CA10: variants seen among roughly 807,000 people sequenced by gnomAD.
The protein encoded by CA10 is carbonic anhydrase-related protein 10.
Under a neutral mutation model 44.2 loss-of-function variants are expected in CA10, and 14 were observed. The ratio of observed to expected loss-of-function variants is 0.32; its 90% CI spans 0.21 to 0.50. The LOEUF is 0.50. Among genes scored for constraint, CA10 ranks in the 20% least tolerant of loss-of-function variants. The pLI is 0.99. For synonymous variants in CA10, 159 were observed against 141.6 expected, an observed-to-expected ratio of 1.12 and a Z score of -0.87; for missense variants, 350 against 409.7, an observed-to-expected ratio of 0.85 and a Z score of 1.26.
intron 2 of CA10, among the ~76,000 whole-genome samples, chr17:52,070,978 T>G (rs951451194): frequency 1.3e-4 from 20 of 152,206 alleles, no homozygotes; most frequent in African/African-American, 4.8e-4. Context: ...AAGAATATAA[T>G]TATAAATGTA....
chr17:51,788,797 C>T (rs969319099), intron 3 of CA10, among the ~76,000 whole-genome samples: 2 of 152,176 alleles, frequency 1.3e-5, no homozygotes, highest in East Asian at 1.9e-4. Flanking sequence ...ACAGAATTAT[C>T]TGTGATTCTG....
At chr17:52,054,193 CA>C (rs2143061248) in intron 2 of CA10, among the ~76,000 whole-genome samples, 1 of 152,256 alleles carries the variant, frequency 6.6e-6, no homozygotes, top group African/African-American at 2.4e-5. Flanking sequence ...TTTTTCTCAG[CA>C]AGGAACATCC....
intron 3 of CA10, among the ~76,000 whole-genome samples, chr17:51,828,387 A>G (rs918360506): frequency 1.3e-5 from 2 of 152,166 alleles, no homozygotes; most frequent in African/African-American, 4.8e-5. Flanking sequence ...GTATGCAAGC[A>G]TTTGTTAAAT....
At chr17:52,012,685 G>T (rs1985837297) in intron 2 of CA10, among the ~76,000 whole-genome samples, 1 of 151,826 alleles carries the variant, frequency 6.6e-6, no homozygotes, top group Non-Finnish European at 1.5e-5. Context: ...CACCTACATG[G>T]GTAATTTTGT....
chr17:51,663,022 T>A (rs2143318204), intron 4 of CA10, among the ~76,000 whole-genome samples: 1 of 152,328 alleles, frequency 6.6e-6, no homozygotes, highest in Non-Finnish European at 1.5e-5. Flanking sequence ...AATGTGGGGC[T>A]ACTTATCCCC....
chr17:52,069,612 C>T (rs2143127279), intron 2 of CA10, among the ~76,000 whole-genome samples: 1 of 152,310 alleles, frequency 6.6e-6, no homozygotes, highest in Non-Finnish European at 1.5e-5. Context: ...TGTAGGCTCA[C>T]CTTTGAGTAA....
At chr17:52,039,431 AT>A (rs1162006241) in intron 2 of CA10, among the ~76,000 whole-genome samples, 1 of 152,042 alleles carries the variant, frequency 6.6e-6, no homozygotes, top group South Asian at 2.1e-4. Context: ...AGTTACATTG[AT>A]TTTTTTTAAA....
At chr17:51,922,977 A>C (rs1198235909) in intron 3 of CA10, among the ~76,000 whole-genome samples, 1 of 152,208 alleles carries the variant, frequency 6.6e-6, no homozygotes, top group Non-Finnish European at 1.5e-5. Flanking sequence ...TTGATATGTC[A>C]ATAAAGGAAT....
In CA10 at chr17:51,798,465, C is replaced by G. The variant is rs189853814; in HGVS notation, c.280-50647G>C. On this transcript the variant is annotated intron_variant, in intron 3 of 8. Transcript: ENST00000451037. ...TTACAATATCCCTAATAAGAGGCTA[C>G]TGGTTTGAAGGAGATGGTTTAGAAC... Among the ~76,000 whole-genome samples the G allele has an allele frequency of 7.9e-5, 12 of 152,280 alleles. No homozygotes were observed. The East Asian group carries it at 1.9e-3, about 24-fold the overall frequency.
intron 1 of CA10, among the ~76,000 whole-genome samples, chr17:52,141,484 T>C (rs1161070539): frequency 3.9e-5 from 6 of 152,230 alleles, no homozygotes; most frequent in Admixed American, 2.6e-4. Flanking sequence ...AAGCATTTGA[T>C]TCAACTGTTT....
intron 3 of CA10, among the ~76,000 whole-genome samples, chr17:51,929,463 G>A (rs975511426): frequency 1.3e-5 from 2 of 151,948 alleles, no homozygotes; most frequent in Non-Finnish European, 2.9e-5. Flanking sequence ...GCCTCTCTTC[G>A]CTCCCTGTGT....
intron 1 of CA10, among the ~76,000 whole-genome samples, chr17:52,090,483 G>A (rs936263189): frequency 1.3e-5 from 2 of 152,016 alleles, no homozygotes; most frequent in Admixed American, 6.6e-5. Context: ...ATATAACGGT[G>A]TAAATATCAA....
intron 1 of CA10, among the ~76,000 whole-genome samples, chr17:52,125,360 A>C (rs1989096581): frequency 6.6e-6 from 1 of 152,190 alleles, no homozygotes; most frequent in Non-Finnish European, 1.5e-5. Flanking sequence ...TGGTGAGCTG[A>C]GGTCACGGTG....
chr17:52,060,752 T>C (rs1337027825), intron 2 of CA10, among the ~76,000 whole-genome samples: 1 of 152,202 alleles, frequency 6.6e-6, no homozygotes, highest in Non-Finnish European at 1.5e-5. Flanking sequence ...AGAACAGTAC[T>C]ATTGTCTATC....
At chr17:51,999,820 C>A (rs1190443844) in intron 2 of CA10, among the ~76,000 whole-genome samples, 1 of 152,054 alleles carries the variant, frequency 6.6e-6, no homozygotes, top group Non-Finnish European at 1.5e-5. Context: ...AGCACCAAGA[C>A]ACAGAAGCAG....
At chr17:52,090,445 A>T (rs1393850389) in intron 1 of CA10, among the ~76,000 whole-genome samples, 1 of 152,166 alleles carries the variant, frequency 6.6e-6, no homozygotes, top group African/African-American at 2.4e-5. Flanking sequence ...ATGATGCTGA[A>T]ATATTCCCTA....
intron 3 of CA10, among the ~76,000 whole-genome samples, chr17:51,814,615 A>G (rs1476711299): frequency 6.6e-6 from 1 of 152,226 alleles, no homozygotes; most frequent in Non-Finnish European, 1.5e-5. Flanking sequence ...TTAATATTTC[A>G]TAAAACTAGG....
At chr17:51,820,187 C>A (rs113014244) in intron 3 of CA10, among the ~76,000 whole-genome samples, 3 of 13,504 alleles carry the variant, frequency 2.2e-4, no homozygotes, top group African/African-American at 3.5e-4. Context: ...TGAGCGCCGC[C>A]CCCCCCCCCC....
At chr17:51,862,686 T>C (rs569613630) in intron 3 of CA10, among the ~76,000 whole-genome samples, 1 of 152,224 alleles carries the variant, frequency 6.6e-6, no homozygotes, top group South Asian at 2.1e-4. Context: ...AGTCTGGAAC[T>C]CCAAGATTAT....
Sources: allele counts gnomAD v4.1 joint callset (sites outside exome capture counted in the v4.1 genomes callset), GRCh38; gene constraint gnomAD v4.1.1; transcripts MANE v1.5; gene names NCBI Gene and HGNC (gene_info 2026-07-23, HGNC 2026-07-21).